Variants in MAGI2 observed in about 807,000 individuals in gnomAD.
MAGI2 encodes membrane-associated guanylate kinase, WW and PDZ domain-containing protein 2.
In MAGI2, 35 loss-of-function variants were observed where a neutral mutation model predicts 133.3. That is an observed-to-expected ratio of 0.26 (90% CI 0.20 to 0.35). The LOEUF (loss-of-function observed/expected upper bound fraction) is 0.35. Among genes scored for constraint, MAGI2 ranks in the 10% least tolerant of loss-of-function variants. The probability of loss-of-function intolerance (pLI) is 1.00; values close to 1 mark genes in which losing one functional copy is unlikely to be tolerated. For missense variants in MAGI2, 1,636 were observed against 1,863.4 expected, an observed-to-expected ratio of 0.88 and a Z score of 2.25; for synonymous variants, 729 against 710.6, an observed-to-expected ratio of 1.03 and a Z score of -0.41.
intron 2 of MAGI2, among the ~76,000 whole-genome samples, chr7:78,947,359 A>G (rs1409098086): frequency 2.6e-5 from 4 of 152,102 alleles, no homozygotes; most frequent in Non-Finnish European, 5.9e-5. Context: ...TGATAAGACA[A>G]ACCATACCCT....
At position 78,635,056 on chromosome 7, in the gene MAGI2, G is replaced by A. The variant is rs370766988; in HGVS notation, c.419-7817C>T. Among the ~76,000 whole-genome samples the A allele has an allele frequency of 2.6e-4, 40 of 152,224 alleles. No individual in the cohort carries two copies. The South Asian group carries it at 3.5e-3, about 13-fold the overall frequency. On this transcript the variant is annotated intron_variant, in intron 2 of 21. Transcript: ENST00000354212. Reference sequence around the variant, plus strand: ...TTAAACAACAGCTTATTTATTAATTGCTAAATTAAGTACTGTATGAACAAC... The same window carrying A: ...TTAAACAACAGCTTATTTATTAATTACTAAATTAAGTACTGTATGAACAAC...
At chr7:78,857,101 T>C (rs1221552325) in intron 2 of MAGI2, among the ~76,000 whole-genome samples, 1 of 152,224 alleles carries the variant, frequency 6.6e-6, no homozygotes, top group Non-Finnish European at 1.5e-5. Context: ...CACATTGATT[T>C]TGTATCCTGA....
At chr7:78,810,544 T>A (rs1788958999) in intron 2 of MAGI2, among the ~76,000 whole-genome samples, 1 of 152,132 alleles carries the variant, frequency 6.6e-6, no homozygotes, top group South Asian at 2.1e-4. Context: ...TAGGAAATAT[T>A]AACAGTGATA....
chr7:78,296,581 T>C (rs1797267571), intron 9 of MAGI2, among the ~76,000 whole-genome samples: 2 of 152,210 alleles, frequency 1.3e-5, no homozygotes, highest in South Asian at 4.1e-4. Flanking sequence ...ATGGTATGCC[T>C]TGTACCCAGA....
chr7:78,532,226 G>T (rs1584520596), intron 3 of MAGI2, among the ~76,000 whole-genome samples: 1 of 152,272 alleles, frequency 6.6e-6, no homozygotes, highest in African/African-American at 2.4e-5. Context: ...AGGATGCAAG[G>T]ACAACAGGTT....
rs75432975 is a variant in MAGI2 at position 78,278,042 on chromosome 7, T to G, written c.1409-21461A>C. Among the ~76,000 whole-genome samples the G allele has an allele frequency of 9.0e-3, 1,365 of 152,244 alleles. 23 individuals are homozygous for G. Among genetic ancestry groups the G allele is most frequent in the African/African-American group, 0.031 (1,279 of 41,560 alleles). On this transcript the variant is annotated intron_variant, in intron 9 of 21. Coordinates refer to ENST00000354212, the MANE Select transcript of MAGI2 (RefSeq NM_012301.4). Reference sequence around the variant, plus strand: ...TTGGCTTCAGATTGAGAAAAGTACCTTTTTATCTGACTCCAGAGGGGAAAC... The same window carrying G: ...TTGGCTTCAGATTGAGAAAAGTACCGTTTTATCTGACTCCAGAGGGGAAAC...
chr7:78,489,189 G>A (rs759334), intron 6 of MAGI2, among the ~76,000 whole-genome samples: 80,449 of 151,792 alleles, frequency 0.53, 21,943 homozygotes, highest in East Asian at 0.69. Context: ...ATTTTTAAAA[G>A]ATTCTTCACA....
At chr7:79,074,470 A>G (rs1815282056) in intron 1 of MAGI2, among the ~76,000 whole-genome samples, 1 of 152,172 alleles carries the variant, frequency 6.6e-6, no homozygotes, top group African/African-American at 2.4e-5. Flanking sequence ...ATTTCATTCA[A>G]AAGTTATTCT....
rs1820492504 is a variant in MAGI2 at position 79,127,167 on chromosome 7, A to G, written c.302-119961T>C. 2.6e-5 allele frequency among the ~76,000 whole-genome samples: 4 copies of G among 152,224 alleles called. No individual in the cohort carries two copies. The South Asian group carries it at 6.2e-4, about 24-fold the overall frequency. ...ATGGCTGCATAGTATTCCATGGTGT[A>G]TATGTGCCGCATTTTCTTAATCTGG... is the stretch of plus-strand genomic sequence containing the variant. On this transcript the variant is annotated intron_variant, in intron 1 of 21. Coordinates refer to ENST00000354212, the MANE Select transcript of MAGI2 (RefSeq NM_012301.4).
chr7:78,213,223 A>G (rs1787943340), intron 10 of MAGI2, among the ~76,000 whole-genome samples: 1 of 152,186 alleles, frequency 6.6e-6, no homozygotes, highest in Non-Finnish European at 1.5e-5. Flanking sequence ...GTGGTTTGAG[A>G]CCTGCAGCAT....
At chr7:79,304,120 T>C (rs1837581879) in intron 1 of MAGI2, among the ~76,000 whole-genome samples, 1 of 150,970 alleles carries the variant, frequency 6.6e-6, no homozygotes, top group African/African-American at 2.4e-5. Context: ...TATAGTGTAA[T>C]AAGACCTTTA....
intron 2 of MAGI2, among the ~76,000 whole-genome samples, chr7:78,637,356 C>A (rs1000050103): frequency 1.3e-5 from 2 of 151,462 alleles, no homozygotes; most frequent in African/African-American, 4.9e-5. Context: ...TCTATCTATG[C>A]AACAGTATGG....
intron 10 of MAGI2, among the ~76,000 whole-genome samples, chr7:78,246,762 T>G (rs1791833608): frequency 6.6e-6 from 1 of 152,232 alleles, no homozygotes; most frequent in Non-Finnish European, 1.5e-5. Context: ...CTATGTCGTA[T>G]TGGCTCTGGT....
chr7:78,343,762 C>A lies in MAGI2; in HGVS notation c.1408+16G>T. 1 of 1,450,266 alleles carries A rather than the reference C, an allele frequency of 6.9e-7. No individual in the cohort carries two copies. The highest frequency in any genetic ancestry group is 9.1e-7 in the Non-Finnish European group (1 of 1,098,026). 89.8% of individuals were successfully genotyped at this position (1,450,266 alleles called of 1,614,324 possible). ...AGATGTTGCAAAACAATTTTCTAAACCATGAAGGACCTTACCTGTTTCCAT... is the reference window on the plus strand; with the variant it reads ...AGATGTTGCAAAACAATTTTCTAAAACATGAAGGACCTTACCTGTTTCCAT... On this transcript the variant is annotated intron_variant, in intron 9 of 21. Transcript: ENST00000354212.
chr7:79,346,515 C>T (rs1346953468), intron 1 of MAGI2, among the ~76,000 whole-genome samples: 1 of 151,928 alleles, frequency 6.6e-6, no homozygotes, highest in Admixed American at 6.6e-5. Context: ...ACTATTTTAT[C>T]TTGCTCATCA....
chr7:79,164,346 C>A (rs1312412321), intron 1 of MAGI2, among the ~76,000 whole-genome samples: 1 of 151,918 alleles, frequency 6.6e-6, no homozygotes, highest in Non-Finnish European at 1.5e-5. Context: ...AATATTTTAC[C>A]CCAAAACATA....
intron 2 of MAGI2, among the ~76,000 whole-genome samples, chr7:78,897,027 G>T (rs1797266583): frequency 6.6e-6 from 1 of 152,052 alleles, no homozygotes; most frequent in African/African-American, 2.4e-5. Flanking sequence ...TTTATAAATG[G>T]CCGTTGAGTT....
intron 1 of MAGI2, among the ~76,000 whole-genome samples, chr7:79,155,086 A>G (rs1167948637): frequency 8.5e-5 from 13 of 152,290 alleles, no homozygotes. Context: ...CACAAGGCAC[A>G]TCCCATGGCA....
intron 1 of MAGI2, among the ~76,000 whole-genome samples, chr7:79,382,864 C>T (rs1843897079): frequency 1.3e-5 from 2 of 151,390 alleles, no homozygotes; most frequent in African/African-American, 4.8e-5. Context: ...GAGATATCTC[C>T]ACTTCTTAAA....
Sources: allele counts gnomAD v4.1 joint callset (sites outside exome capture counted in the v4.1 genomes callset), GRCh38; gene constraint gnomAD v4.1.1; transcripts MANE v1.5; gene names NCBI Gene and HGNC (gene_info 2026-07-23, HGNC 2026-07-21).